The following OTOF variants were observed in gnomAD, a reference collection of about 807,000 sequenced individuals.
OTOF encodes otoferlin.
Under a neutral mutation model 236.8 loss-of-function variants are expected in OTOF, and 218 were observed. That is an observed-to-expected ratio of 0.92 (90% confidence interval 0.82 to 1.03). OTOF has a LOEUF of 1.03. OTOF is among the 50% of genes least tolerant of loss of function. OTOF has a pLI of 0.00. For missense variants in OTOF, 2,590 were observed against 2,694.4 expected (o/e 0.96, Z 0.86); for synonymous variants, 1,041 against 1,072.5 (o/e 0.97, Z 0.57).
chr2:26,484,409 C>A (rs140931858), intron 12 of OTOF, 65 bp downstream of exon 12: 5 of 1,583,424 alleles, frequency 3.2e-6, no homozygotes, highest in East Asian at 2.2e-5. Flanking sequence ...AAACCCTCAC[C>A]GGGGGCTCCC....
At chr2:26,493,581 G>A (rs575247144) in intron 9 of OTOF, among the ~76,000 whole-genome samples, 2 of 152,294 alleles carry the variant, frequency 1.3e-5, no homozygotes, top group Admixed American at 1.3e-4. Context: ...CCATTTTCAA[G>A]GCAGGATAAG....
chr2:26,477,231 G>A lies in OTOF; in HGVS notation c.2464C>T (p.Arg822Trp), dbSNP rs80356570. 0.019 allele frequency: 30,637 copies of A among 1,609,140 alleles called. 374 individuals are homozygous for A. The highest frequency in any genetic ancestry group is 0.022 in the Non-Finnish European group (26,058 of 1,178,972). The change falls in exon 21 of 47, where the codon CGG becomes TGG. Residue 822 changes from arginine to tryptophan, a missense_variant. Physicochemically the swap from Arg to Trp is moderately radical, Grantham distance 101. Around this residue, in one of 2 missense-constraint regions of OTOF, gnomAD observed 1,379 missense variants for 1,341.6 expected, o/e 1.03. Transcript: ENST00000272371. This position sits in a 1 kb window ranked among gnomAD's most constrained non-coding sequence, Gnocchi z 4.7. ...LRAQVKRHTV[R>W]DKLRLCQNFL... ...TTCTGGCACAGCCTCAGCTTGTCCC[G>A]CACCGTGTGCCGCTTCACCTGGGCC...
At chr2:26,523,846 G>C (rs975698385) in intron 3 of OTOF, among the ~76,000 whole-genome samples, 4 of 152,226 alleles carry the variant, frequency 2.6e-5, no homozygotes, top group Non-Finnish European at 5.9e-5. Flanking sequence ...TGGGCCATGT[G>C]GGGGTTGAGG....
In OTOF at chr2:26,503,828, A is replaced by G. The variant is rs750044726; in HGVS notation, c.527T>C (p.Phe176Ser). Residue 176 changes from phenylalanine (F) to serine (S), a missense_variant, in exon 6 of 47, where the codon TTC becomes TCC. Physicochemically the swap from Phe to Ser is radical, Grantham distance 155 (BLOSUM62 -2). Around this residue, in one of 2 missense-constraint regions of OTOF, gnomAD observed 1,379 missense variants for 1,341.6 expected, o/e 1.03. Transcript: ENST00000272371. ...KSFRRAGRSVFSAMKLGKNRS... is the reference protein window; with the variant it reads ...KSFRRAGRSVSSAMKLGKNRS... ...GTTTTTGCCGAGCTTCATGGCGGAG[A>G]ACACGCTCCTCCCGGCTCTGTGAGG... 5.6e-6 allele frequency: 9 copies of G among 1,613,948 alleles called. No individual in the cohort carries two copies. The African/African-American group carries it at 9.3e-5, about 17-fold the overall frequency.
At chr2:26,459,468 C>T (rs557056988) in intron 46 of OTOF, among the ~76,000 whole-genome samples, 14 of 149,248 alleles carry the variant, frequency 9.4e-5, no homozygotes, top group South Asian at 2.1e-4. Context: ...AGGAGAATGG[C>T]GTGAACCCGG....
chr2:26,504,138 G>A (rs1666190246), intron 5 of OTOF, among the ~76,000 whole-genome samples: 1 of 152,134 alleles, frequency 6.6e-6, no homozygotes, highest in South Asian at 2.1e-4. Flanking sequence ...GGAAAGAGCC[G>A]TTTTAACTGG....
At chr2:26,542,751 A>G (rs1572493545) in intron 1 of OTOF, among the ~76,000 whole-genome samples, 1 of 152,204 alleles carries the variant, frequency 6.6e-6, no homozygotes, top group African/African-American at 2.4e-5. Flanking sequence ...GTCTGCCCTC[A>G]GGGAGCAGCC....
At chr2:26,546,223 G>A (rs1173738901) in intron 1 of OTOF, among the ~76,000 whole-genome samples, 2 of 152,192 alleles carry the variant, frequency 1.3e-5, no homozygotes, top group Admixed American at 6.5e-5. Flanking sequence ...CACTTTAGGA[G>A]GCCGAGGCTG....
intron 11 of OTOF, among the ~76,000 whole-genome samples, chr2:26,487,130 A>G (rs1359946462): frequency 2.6e-5 from 4 of 152,196 alleles, no homozygotes; most frequent in Admixed American, 2.0e-4. Context: ...GGGTGAGAAG[A>G]GGTTCTCTCG....
chr2:26,517,180 G>T (rs1666554167), intron 4 of OTOF, among the ~76,000 whole-genome samples: 1 of 152,148 alleles, frequency 6.6e-6, no homozygotes, highest in Non-Finnish European at 1.5e-5. Flanking sequence ...CACTCAACCG[G>T]GCTCAGGCTT....
intron 40 of OTOF, 59 bp from the exon 41 acceptor site, chr2:26,463,630 A>T (rs1336502062): frequency 5.2e-6 from 7 of 1,350,538 alleles, no homozygotes; most frequent in Non-Finnish European, 6.2e-6. Context: ...CAGGAAGATC[A>T]GCTCTCCTCT....
chr2:26,495,134 G>GC lies in OTOF; in HGVS notation c.766-62dup, dbSNP rs1364901296. On this transcript the variant is annotated intron_variant, in intron 8 of 46. Coordinates refer to ENST00000272371, the MANE Select transcript of OTOF (RefSeq NM_194248.3). The stretch of plus-strand genomic sequence containing the variant: ...TGCCTGAGCCTAGGAGCCTGGTCCC[G>GC]CAGGGGTCCAGGGGCTGGGGCAGCA... 10 of 1,595,036 alleles carry GC rather than the reference G, an allele frequency of 6.3e-6. No homozygotes were observed. The East Asian group carries it at 2.2e-4, about 36-fold the overall frequency.
chr2:26,477,210 G>A lies in OTOF; in HGVS notation c.2485C>T (p.Gln829Ter), dbSNP rs80356593. The A allele has an allele frequency of 6.5e-5, 105 of 1,610,770 alleles. No homozygotes were observed. Among genetic ancestry groups the A allele is most frequent in the Admixed American group, 5.7e-4 (34 of 59,898 alleles). ...AAGCGCAGCTTCTGCAGGAAGTTCTGGCACAGCCTCAGCTTGTCCCGCACC... is the reference window on the plus strand; with the variant it reads ...AAGCGCAGCTTCTGCAGGAAGTTCTAGCACAGCCTCAGCTTGTCCCGCACC... ...HTVRDKLRLC[Q>*]NFLQKLRFLA... Residue 829 changes from glutamine to a stop codon, truncating the protein, a stop_gained, in exon 21 of 47, where the codon CAG becomes TAG. Transcript: ENST00000272371. LOFTEE classifies it high-confidence loss of function. The surrounding 1 kb of genome is among the most constrained non-coding windows in gnomAD (Gnocchi z 4.7).
At chr2:26,537,432 CAG>C (rs1399668187) in intron 2 of OTOF, among the ~76,000 whole-genome samples, 12 of 152,230 alleles carry the variant, frequency 7.9e-5, no homozygotes, top group African/African-American at 2.9e-4. Context: ...CAGGGAATAA[CAG>C]GCCCAGACCC....
intron 41 of OTOF, 48 bp downstream of exon 41, chr2:26,463,435 G>A (rs975520859): frequency 4.1e-5 from 59 of 1,447,686 alleles, no homozygotes; most frequent in Non-Finnish European, 5.4e-5. Flanking sequence ...GGTGGGAAGT[G>A]GGTGGGGTGG....
chr2:26,499,398 C>A (rs541392414), intron 8 of OTOF, among the ~76,000 whole-genome samples: 72 of 152,320 alleles, frequency 4.7e-4, no homozygotes, highest in African/African-American at 1.7e-3. Flanking sequence ...AGTCTCCCCA[C>A]ATCTCACCAA....
intron 22 of OTOF, 61 bp downstream of exon 22, chr2:26,476,824 CCCCAGG>C: frequency 2.0e-5 from 29 of 1,473,424 alleles, no homozygotes; most frequent in Non-Finnish European, 2.7e-5. Context: ...AGGCTTCCAG[CCCCAGG>C]TGGGGGCTGC....
chr2:26,476,257 A>G lies in OTOF; in HGVS notation c.2737T>C (p.Tyr913His). 6.2e-7 allele frequency: 1 copy of G among 1,607,746 alleles called. No individual in the cohort carries two copies. Among genetic ancestry groups the G allele is most frequent in the Non-Finnish European group, 8.5e-7 (1 of 1,179,802 alleles). The change falls in exon 23 of 47, where the codon TAC becomes CAC. Residue 913 changes from tyrosine to histidine, a missense_variant. By Grantham distance (83) the Tyr-to-His change is moderately conservative (BLOSUM62 2). This residue lies in a region of OTOF where 1,379 missense variants were observed against 1,341.6 expected (regional missense o/e 1.03). Transcript: ENST00000272371. ...TGTTTGCTGAGGCCCAGCCACAGGTACAGCTCCACCTTGGCCTGCACTGTC... is the reference window on the plus strand; with the variant it reads ...TGTTTGCTGAGGCCCAGCCACAGGTGCAGCTCCACCTTGGCCTGCACTGTC... Reference protein sequence around the residue: ...GWTVQAKVELYLWLGLSKQRK... With the variant: ...GWTVQAKVELHLWLGLSKQRK...
At chr2:26,483,797 T>C in intron 12 of OTOF, 149 bp from the exon 13 acceptor site, 1 of 709,944 alleles carries the variant, frequency 1.4e-6, no homozygotes. Context: ...TCACGGAACT[T>C]GCCCCTTGTG....
Sources: gnomAD v4.1 joint callset for allele counts (sites outside exome capture counted in the v4.1 genomes callset) on GRCh38, gnomAD v4.1.1 for gene constraint, gnomAD v4.1.1 regional missense constraint, Gnocchi (gnomAD v3.1) non-coding constraint, MANE v1.5 for transcripts, NCBI Gene and HGNC (gene_info 2026-07-23, HGNC 2026-07-21) for gene names.